NRXN3: variants seen among roughly 807,000 people sequenced by gnomAD.
NRXN3 encodes neurexin 3.
Under a neutral mutation model 137.6 loss-of-function variants are expected in NRXN3, and 32 were observed. The ratio of observed to expected loss-of-function variants is 0.23; its 90% confidence interval spans 0.18 to 0.31. The LOEUF (loss-of-function observed/expected upper bound fraction) is 0.31, where lower values mean the gene tolerates loss of function less well. NRXN3 is among the 10% of genes least tolerant of loss of function. NRXN3 has a pLI of 1.00. For missense variants in NRXN3, 1,574 were observed against 2,062.5 expected, an observed-to-expected ratio of 0.76 and a Z score of 4.59; for synonymous variants, 798 against 784.5, an observed-to-expected ratio of 1.02 and a Z score of -0.29.
intron 19 of NRXN3, among the ~76,000 whole-genome samples, chr14:79,775,813 G>A (rs986336130): frequency 1.3e-5 from 2 of 152,106 alleles, no homozygotes; most frequent in African/African-American, 4.8e-5. Flanking sequence ...GTCTGATTTT[G>A]GGCATCTTGG....
At chr14:79,563,344 C>T (rs975428578) in intron 16 of NRXN3, among the ~76,000 whole-genome samples, 9 of 152,086 alleles carry the variant, frequency 5.9e-5, no homozygotes, top group African/African-American at 2.2e-4. Flanking sequence ...GGTTCTCACC[C>T]TTCACTTGTG....
rs2066571886 is a variant in NRXN3 at position 78,238,143 on chromosome 14, C to CT, written c.-703-4248_-703-4247insT. 1.3e-5 allele frequency among the ~76,000 whole-genome samples: 2 copies of CT among 150,812 alleles called. 1 individual carries two copies. The highest frequency in any genetic ancestry group is 4.9e-5 in the African/African-American group (2 of 40,742). On this transcript the variant is annotated intron_variant, in intron 1 of 20. Transcript: ENST00000335750. ...CCACATGTCAGAGTTGTGTGAGCCCCCCCCACCACACCACCCTGCCCCCTC... is the reference window on the plus strand; with the variant it reads ...CCACATGTCAGAGTTGTGTGAGCCCCTCCCCACCACACCACCCTGCCCCCTC...
chr14:78,420,974 A>G (rs1304246479), intron 4 of NRXN3, among the ~76,000 whole-genome samples: 2 of 152,238 alleles, frequency 1.3e-5, no homozygotes, highest in Non-Finnish European at 2.9e-5. Context: ...TGTAGACAGC[A>G]CAGCATGGGG....
intron 15 of NRXN3, among the ~76,000 whole-genome samples, chr14:79,391,555 T>C (rs184672916): frequency 3.9e-5 from 6 of 152,334 alleles, no homozygotes; most frequent in Admixed American, 3.9e-4. Context: ...TAACAAAATA[T>C]ATGAATGCAT....
At chr14:78,312,737 G>A (rs2078121115) in intron 4 of NRXN3, among the ~76,000 whole-genome samples, 1 of 152,052 alleles carries the variant, frequency 6.6e-6, no homozygotes, top group African/African-American at 2.4e-5. Flanking sequence ...ATGTTGATGG[G>A]TGCAGGAAAT....
chr14:78,863,036 G>A (rs952993496), intron 10 of NRXN3, among the ~76,000 whole-genome samples: 1 of 152,092 alleles, frequency 6.6e-6, no homozygotes, highest in Admixed American at 6.6e-5. Flanking sequence ...ATACATTTCT[G>A]ATATGCCTAT....
At chr14:78,990,904 A>G (rs1266710189) in intron 15 of NRXN3, among the ~76,000 whole-genome samples, 2 of 152,244 alleles carry the variant, frequency 1.3e-5, no homozygotes, top group Non-Finnish European at 2.9e-5. Context: ...ACTATATCAT[A>G]GACCATTATT....
intron 15 of NRXN3, among the ~76,000 whole-genome samples, chr14:79,128,532 T>C (rs1294541509): frequency 5.3e-5 from 8 of 151,310 alleles, no homozygotes; most frequent in Non-Finnish European, 7.4e-5. Flanking sequence ...GAAGCCCACT[T>C]GATCATGGTG....
At chr14:78,949,741 A>C (rs542689334) in intron 10 of NRXN3, among the ~76,000 whole-genome samples, 7 of 152,294 alleles carry the variant, frequency 4.6e-5, no homozygotes, top group African/African-American at 1.7e-4. Flanking sequence ...AAGGTTATAA[A>C]AGTAATAGAG....
intron 15 of NRXN3, among the ~76,000 whole-genome samples, chr14:79,401,564 C>T (rs1400037196): frequency 6.6e-6 from 1 of 152,168 alleles, no homozygotes; most frequent in African/African-American, 2.4e-5. Flanking sequence ...AGAATAGCGT[C>T]TTCTGCTTTC....
At chr14:79,221,223 T>G (rs538669898) in intron 15 of NRXN3, among the ~76,000 whole-genome samples, 2 of 152,200 alleles carry the variant, frequency 1.3e-5, no homozygotes, top group African/African-American at 2.4e-5. Context: ...TACATGTGCA[T>G]GTATCTTTAT....
chr14:79,181,098 G>T (rs1303890277), intron 15 of NRXN3, among the ~76,000 whole-genome samples: 3 of 150,646 alleles, frequency 2.0e-5, no homozygotes, highest in African/African-American at 7.3e-5. Flanking sequence ...ACACACATAG[G>T]CATGAAGTGC....
chr14:79,033,045 A>G (rs980781320), intron 15 of NRXN3, among the ~76,000 whole-genome samples: 2 of 151,652 alleles, frequency 1.3e-5, no homozygotes, highest in African/African-American at 4.9e-5. Context: ...CCCTTTTCTC[A>G]TTTTTCCCTG....
At chr14:79,508,390 A>ATTTTTTTTTTTT (rs528502246) in intron 16 of NRXN3, among the ~76,000 whole-genome samples, 938 of 48,152 alleles carry the variant, frequency 0.019, 253 homozygotes, top group Admixed American at 0.05. Context: ...ACAATAACTG[A>ATTTTTTTTTTTT]TTTTTTTTTT....
At position 79,698,440 on chromosome 14, in the gene NRXN3, T is replaced by C. The variant is rs1034005533; in HGVS notation, c.4014+503T>C. 5.9e-5 allele frequency among the ~76,000 whole-genome samples: 9 copies of C among 151,970 alleles called. No individual in the cohort carries two copies. In the South Asian group the frequency reaches 1.9e-3, roughly 32 times the overall value. The stretch of plus-strand genomic sequence containing the variant: ...TGCAACTACTCCTTGTAAAATGCAG[T>C]CTTTATGTTTGTTATCAAATCCTGA... On this transcript the variant is annotated intron_variant, in intron 19 of 20. Transcript: ENST00000335750.
At chr14:78,659,347 ATTATAGAGCTTT>A (rs2097814134) in intron 6 of NRXN3, among the ~76,000 whole-genome samples, 1 of 152,024 alleles carries the variant, frequency 6.6e-6, no homozygotes, top group South Asian at 2.1e-4. Context: ...GCTCTAGTAA[ATTATAGAGCTTT>A]TTTATGGGTT....
intron 1 of NRXN3, among the ~76,000 whole-genome samples, chr14:78,240,125 G>A (rs1054118987): frequency 5.2e-4 from 79 of 152,188 alleles, no homozygotes; most frequent in Non-Finnish European, 9.6e-4. Flanking sequence ...ACCAGTCAAA[G>A]TTTTTGAAAT....
intron 15 of NRXN3, among the ~76,000 whole-genome samples, chr14:79,165,715 G>A (rs2061226630): frequency 2.6e-5 from 4 of 152,010 alleles, no homozygotes; most frequent in Admixed American, 2.6e-4. Flanking sequence ...CATGGACAGG[G>A]AGGGGTCTTC....
In NRXN3 at chr14:79,586,615, G is replaced by A. The variant is rs545941295; in HGVS notation, c.3445-77163G>A. 3.9e-5 allele frequency among the ~76,000 whole-genome samples: 6 copies of A among 152,268 alleles called. No homozygotes were observed. In the East Asian group the frequency reaches 9.7e-4, roughly 25 times the overall value. On this transcript the variant is annotated intron_variant, in intron 16 of 20. Coordinates refer to ENST00000335750, the MANE Select transcript of NRXN3 (RefSeq NM_001330195.2). ...CACCCAAAGTGCTGGGATCACAGGC[G>A]TGAGCCACCGCGCCAGGCCCTAAAG...
Sources: gnomAD v4.1 joint callset for allele counts (sites outside exome capture counted in the v4.1 genomes callset) on GRCh38, gnomAD v4.1.1 for gene constraint, MANE v1.5 for transcripts, NCBI Gene and HGNC (gene_info 2026-07-23, HGNC 2026-07-21) for gene names.